The following KCNIP4 variants were observed in gnomAD, a reference collection of about 807,000 sequenced individuals.
The protein encoded by KCNIP4 is potassium voltage-gated channel interacting protein 4.
Under a neutral mutation model 34.0 loss-of-function variants are expected in KCNIP4, and 12 were observed. The observed-to-expected ratio is 0.35, with a 90% CI of 0.23 to 0.57. The LOEUF (loss-of-function observed/expected upper bound fraction) is 0.57, where lower values mean the gene tolerates loss of function less well. Ranked by LOEUF, KCNIP4 falls within the 20% of genes least tolerant of loss-of-function variation. KCNIP4 has a pLI of 0.83. For synonymous variants in KCNIP4, 124 were observed against 102.2 expected (o/e 1.21, Z -1.29); for missense variants, 238 against 311.7 (o/e 0.76, Z 1.78).
intron 1 of KCNIP4, among the ~76,000 whole-genome samples, chr4:21,202,399 A>G (rs970157561): frequency 1.3e-5 from 2 of 152,188 alleles, no homozygotes; most frequent in Non-Finnish European, 2.9e-5. Context: ...GGACATAAAG[A>G]TGGAAACAAT....
intron 1 of KCNIP4, chr4:21,843,287 T>C (rs1236666915): frequency 1.3e-5 from 2 of 152,118 alleles, no homozygotes; most frequent in African/African-American, 2.4e-5. Flanking sequence ...TTATATTATA[T>C]CTTGATTAAT....
chr4:21,612,316 T>C (rs1257748466), intron 1 of KCNIP4, among the ~76,000 whole-genome samples: 3 of 152,204 alleles, frequency 2.0e-5, no homozygotes, highest in Non-Finnish European at 4.4e-5. Context: ...TATAGAAAAC[T>C]GGCATGTTAA....
rs1203011253 is a variant in KCNIP4, at chr4:21,070,663, A to ATT, written c.62-187956_62-187955dup. ...TCTGTTTTTACTGTTGAGTTTTGAG[A>ATT]TTTTTTTTTTTTTTTTTTTTTTTTT... On this transcript the variant is annotated intron_variant, in intron 1 of 8. Coordinates refer to ENST00000382152, the MANE Select transcript of KCNIP4 (RefSeq NM_025221.6). 3.7e-3 allele frequency among the ~76,000 whole-genome samples: 186 copies of ATT among 49,620 alleles called. 54 individuals are homozygous for ATT. The highest frequency in any genetic ancestry group is 5.6e-3 in the Non-Finnish European group (151 of 26,800). The allele number at this position is 49,620 out of a possible 152,430, so 32.6% of individuals were successfully genotyped here.
Position 21,891,089 on chromosome 4 carries a change from A to G in KCNIP4, c.61+57482T>C, listed in dbSNP as rs150838103. 7.5e-4 allele frequency among the ~76,000 whole-genome samples: 114 copies of G among 152,220 alleles called. 1 individual carries two copies. In the East Asian group the frequency reaches 0.019, roughly 25 times the overall value. ...GTTCCAAGGGACGGGCTGGAGGTTC[A>G]GATGTTCCTCATATATAAGGAATGA... On this transcript the variant is annotated intron_variant, in intron 1 of 8. Transcript: ENST00000382152.
chr4:21,425,943 A>C (rs1396153824), intron 1 of KCNIP4, among the ~76,000 whole-genome samples: 4 of 152,070 alleles, frequency 2.6e-5, no homozygotes, highest in African/African-American at 9.6e-5. Context: ...CGTCCCAGGT[A>C]CTCGAGAGGC....
chr4:20,931,891 CTAATA>C (rs1730510752), intron 1 of KCNIP4, among the ~76,000 whole-genome samples: 1 of 146,846 alleles, frequency 6.8e-6, no homozygotes, highest in African/African-American at 2.6e-5. Context: ...CTATAAGAGT[CTAATA>C]TTGTAGACTA....
chr4:21,389,447 C>A lies in KCNIP4; in HGVS notation c.62-506738G>T, dbSNP rs570744742. ...AGGTATATCTCCTAATGATATCCCT[C>A]CCCCCTCCCCCCACCCCACAACAGG... is the stretch of plus-strand genomic sequence containing the variant. On this transcript the variant is annotated intron_variant, in intron 1 of 8. Coordinates refer to ENST00000382152, the MANE Select transcript of KCNIP4 (RefSeq NM_025221.6). 3.0e-4 allele frequency among the ~76,000 whole-genome samples: 29 copies of A among 97,620 alleles called. No homozygotes were observed. In the East Asian group the frequency reaches 0.011, roughly 36 times the overall value. The allele number at this position is 97,620 out of a possible 152,430, so 64.0% of individuals were successfully genotyped here.
chr4:21,154,688 A>C (rs1468258110), intron 1 of KCNIP4, among the ~76,000 whole-genome samples: 1 of 152,226 alleles, frequency 6.6e-6, no homozygotes, highest in Admixed American at 6.5e-5. Flanking sequence ...ATACAGCTGA[A>C]TCTAGTCCTC....
intron 1 of KCNIP4, among the ~76,000 whole-genome samples, chr4:21,088,206 C>A (rs1349985502): frequency 1.3e-5 from 2 of 152,066 alleles, no homozygotes; most frequent in Admixed American, 6.5e-5. Flanking sequence ...TATATGATTT[C>A]TCATTCTGCC....
At chr4:21,533,653 A>G (rs1321902340) in intron 1 of KCNIP4, among the ~76,000 whole-genome samples, 2 of 152,168 alleles carry the variant, frequency 1.3e-5, no homozygotes, top group Non-Finnish European at 2.9e-5. Flanking sequence ...AAACAGAAAA[A>G]AACTTTTAAT....
At chr4:20,813,572 G>A (rs1041301270) in intron 3 of KCNIP4, among the ~76,000 whole-genome samples, 8 of 151,984 alleles carry the variant, frequency 5.3e-5, no homozygotes, top group African/African-American at 1.9e-4. Context: ...TATTTTACAT[G>A]GTATCTAACA....
chr4:21,293,608 T>A (rs1763670284), intron 1 of KCNIP4, among the ~76,000 whole-genome samples: 1 of 152,176 alleles, frequency 6.6e-6, no homozygotes, highest in African/African-American at 2.4e-5. Flanking sequence ...CTACCCTCTG[T>A]CTTATAGGAT....
At chr4:21,275,538 G>A (rs562323979) in intron 1 of KCNIP4, among the ~76,000 whole-genome samples, 1 of 152,240 alleles carries the variant, frequency 6.6e-6, no homozygotes, top group South Asian at 2.1e-4. Flanking sequence ...TCTCACCACA[G>A]GCCAGGTCTA....
intron 1 of KCNIP4, among the ~76,000 whole-genome samples, chr4:21,761,880 C>T (rs1718083340): frequency 6.6e-6 from 1 of 152,022 alleles, no homozygotes; most frequent in African/African-American, 2.4e-5. Context: ...ACACACAACT[C>T]AACACTTCCA....
At chr4:21,560,140 T>C (rs1739396231) in intron 1 of KCNIP4, among the ~76,000 whole-genome samples, 1 of 152,090 alleles carries the variant, frequency 6.6e-6, no homozygotes, top group African/African-American at 2.4e-5. Flanking sequence ...ATAGTGTAAA[T>C]GCAAATGGGC....
intron 1 of KCNIP4, among the ~76,000 whole-genome samples, chr4:21,923,471 C>T (rs1729057727): frequency 6.6e-6 from 1 of 152,046 alleles, no homozygotes; most frequent in African/African-American, 2.4e-5. Flanking sequence ...ATCCCAGCTA[C>T]TTTGGAGGCT....
At chr4:21,317,115 G>C (rs756539752) in intron 1 of KCNIP4, among the ~76,000 whole-genome samples, 3 of 152,104 alleles carry the variant, frequency 2.0e-5, no homozygotes, top group Non-Finnish European at 4.4e-5. Flanking sequence ...TGTTCTTGTG[G>C]GATATAAATG....
At chr4:21,689,666 A>C (rs999284269) in intron 1 of KCNIP4, among the ~76,000 whole-genome samples, 1 of 152,220 alleles carries the variant, frequency 6.6e-6, no homozygotes, top group South Asian at 2.1e-4. Context: ...AGCAAAACAA[A>C]GCCTGATAGT....
At chr4:21,640,362 G>A (rs960050543) in intron 1 of KCNIP4, among the ~76,000 whole-genome samples, 5 of 152,146 alleles carry the variant, frequency 3.3e-5, no homozygotes, top group African/African-American at 1.2e-4. Context: ...CAATCACAAA[G>A]CTCTTCAAGG....
Sources: allele counts gnomAD v4.1 joint callset (sites outside exome capture counted in the v4.1 genomes callset), GRCh38; gene constraint gnomAD v4.1.1; transcripts MANE v1.5; gene names NCBI Gene and HGNC (gene_info 2026-07-23, HGNC 2026-07-21).